The following FHIT variants were observed in gnomAD, a reference collection of about 807,000 sequenced individuals.
FHIT encodes the protein fragile histidine triad diadenosine triphosphatase.
In FHIT, 19 loss-of-function variants were observed where a neutral mutation model predicts 17.9. The observed-to-expected ratio is 1.06, with a 90% CI of 0.74 to 1.56. FHIT has a LOEUF of 1.56. Ranked by LOEUF, FHIT falls within the 40% of genes most tolerant of loss-of-function variation. The pLI, the probability that FHIT is intolerant of heterozygous loss-of-function variation, is 0.00. For synonymous variants in FHIT, 81 were observed against 69.7 expected (o/e 1.16, Z -0.81); for missense variants, 248 against 189.2 (o/e 1.31, Z -1.82).
chr3:61,154,392 A>C (rs2037477364), intron 2 of FHIT, among the ~76,000 whole-genome samples: 1 of 151,900 alleles, frequency 6.6e-6, no homozygotes, highest in African/African-American at 2.4e-5. Context: ...GCAGAATCAG[A>C]AAGGGGGGAA....
At chr3:60,222,606 T>G (rs146239486) in intron 5 of FHIT, among the ~76,000 whole-genome samples, 1 of 151,924 alleles carries the variant, frequency 6.6e-6, no homozygotes, top group African/African-American at 2.4e-5. Context: ...CTGGCCAACA[T>G]GATGAAACCC....
chr3:60,636,176 G>A (rs2039579720), intron 4 of FHIT, among the ~76,000 whole-genome samples: 1 of 152,048 alleles, frequency 6.6e-6, no homozygotes, highest in South Asian at 2.1e-4. Flanking sequence ...GTTCAAGTGA[G>A]TCTCCTGCTT....
chr3:59,838,908 A>G (rs2106738881), intron 8 of FHIT, among the ~76,000 whole-genome samples: 1 of 152,222 alleles, frequency 6.6e-6, no homozygotes, highest in Non-Finnish European at 1.5e-5. Flanking sequence ...CTGCCTCTAC[A>G]CTTCAACCAG....
At chr3:61,029,347 G>C (rs767395575) in intron 3 of FHIT, among the ~76,000 whole-genome samples, 34 of 152,206 alleles carry the variant, frequency 2.2e-4, no homozygotes, top group Non-Finnish European at 4.6e-4. Context: ...GTATGAACAA[G>C]ATTTAAACTC....
At chr3:60,677,634 A>G (rs1257524996) in intron 4 of FHIT, among the ~76,000 whole-genome samples, 3 of 151,338 alleles carry the variant, frequency 2.0e-5, no homozygotes, top group Admixed American at 6.6e-5. Flanking sequence ...GTATATGTGT[A>G]TGTGTGTGTG....
intron 2 of FHIT, among the ~76,000 whole-genome samples, chr3:61,180,477 G>T (rs1423012545): frequency 6.6e-6 from 1 of 152,170 alleles, no homozygotes; most frequent in Non-Finnish European, 1.5e-5. Flanking sequence ...ATAATAGTTA[G>T]GTTAGACCTA....
At chr3:60,580,907 T>C (rs1483791058) in intron 4 of FHIT, among the ~76,000 whole-genome samples, 3 of 151,994 alleles carry the variant, frequency 2.0e-5, no homozygotes, top group Admixed American at 6.6e-5. Context: ...TACTTGGCAA[T>C]TGTAGATTAG....
chr3:60,642,069 A>C (rs2039738677), intron 4 of FHIT, among the ~76,000 whole-genome samples: 1 of 152,108 alleles, frequency 6.6e-6, no homozygotes, highest in Admixed American at 6.6e-5. Flanking sequence ...AAACATGATG[A>C]GAAAGACTTC....
intron 8 of FHIT, among the ~76,000 whole-genome samples, chr3:59,902,038 A>G (rs1458026689): frequency 6.6e-6 from 1 of 152,178 alleles, no homozygotes; most frequent in Non-Finnish European, 1.5e-5. Context: ...ATATTTGGAA[A>G]CCATATATCA....
At chr3:60,218,655 A>G (rs553549496) in intron 5 of FHIT, among the ~76,000 whole-genome samples, 1 of 152,114 alleles carries the variant, frequency 6.6e-6, no homozygotes, top group Non-Finnish European at 1.5e-5. Flanking sequence ...AAGATGGTGA[A>G]TATGTGCTCA....
At chr3:61,240,577 G>A (rs1020079064) in intron 1 of FHIT, among the ~76,000 whole-genome samples, 7 of 152,098 alleles carry the variant, frequency 4.6e-5, no homozygotes, top group African/African-American at 1.7e-4. Context: ...TAAATTTTGA[G>A]GTATTATGGG....
chr3:60,664,492 A>C lies in FHIT; in HGVS notation c.-17-127513T>G, dbSNP rs377297945. 2.0e-5 allele frequency among the ~76,000 whole-genome samples: 3 copies of C among 152,126 alleles called. No individual in the cohort carries two copies. The East Asian group carries it at 5.8e-4, about 29-fold the overall frequency. ...TTTGCCTGGTTTTGGTATCAGGGTA[A>C]TAATGAGTTGAAAAGTGTTCCTGCC... On this transcript the variant is annotated intron_variant, in intron 4 of 9. Transcript: ENST00000492590.
At chr3:60,317,981 G>A (rs923531149) in intron 5 of FHIT, among the ~76,000 whole-genome samples, 16 of 151,886 alleles carry the variant, frequency 1.1e-4, no homozygotes, top group South Asian at 6.2e-4. Flanking sequence ...TGGTAGAAAC[G>A]GGGTTTTGCC....
At chr3:60,949,620 G>A (rs17633748) in intron 3 of FHIT, among the ~76,000 whole-genome samples, 7,242 of 152,106 alleles carry the variant, frequency 0.048, 220 homozygotes, top group South Asian at 0.068. Flanking sequence ...TTGTTTCTCC[G>A]GCTTTGCCCA....
chr3:60,144,553 G>T (rs1313115285), intron 5 of FHIT, among the ~76,000 whole-genome samples: 1 of 152,050 alleles, frequency 6.6e-6, no homozygotes, highest in Non-Finnish European at 1.5e-5. Context: ...CTTTAGGTAA[G>T]TCTTGAACAT....
intron 5 of FHIT, among the ~76,000 whole-genome samples, chr3:60,078,637 G>C (rs1703138838): frequency 6.6e-6 from 1 of 152,070 alleles, no homozygotes; most frequent in Non-Finnish European, 1.5e-5. Flanking sequence ...TTTATATCAA[G>C]GTTAATTTCC....
At chr3:60,720,993 C>T (rs2041796928) in intron 4 of FHIT, among the ~76,000 whole-genome samples, 1 of 152,122 alleles carries the variant, frequency 6.6e-6, no homozygotes, top group East Asian at 1.9e-4. Context: ...AGTATGGTAA[C>T]ACGTGAAGAT....
intron 3 of FHIT, among the ~76,000 whole-genome samples, chr3:60,959,801 CTTTTTT>C (rs1246211795): frequency 3.3e-5 from 4 of 119,696 alleles, no homozygotes; most frequent in African/African-American, 9.4e-5. Flanking sequence ...GAGGCTTTTT[CTTTTTT>C]TTTTTTTTTT....
intron 2 of FHIT, among the ~76,000 whole-genome samples, chr3:61,129,457 T>A (rs1273650234): frequency 6.6e-6 from 1 of 152,172 alleles, no homozygotes; most frequent in Admixed American, 6.5e-5. Context: ...TGGAACATGG[T>A]TGAACTCAGG....
Sources: gnomAD v4.1 joint callset for allele counts (sites outside exome capture counted in the v4.1 genomes callset) on GRCh38, gnomAD v4.1.1 for gene constraint, MANE v1.5 for transcripts, NCBI Gene and HGNC (gene_info 2026-07-23, HGNC 2026-07-21) for gene names.